FSTL5: variants seen among roughly 807,000 people sequenced by gnomAD.
The protein encoded by FSTL5 is follistatin-related protein 5.
In FSTL5, 62 loss-of-function variants were observed where a neutral mutation model predicts 89.1. The ratio of observed to expected loss-of-function variants is 0.70; its 90% CI spans 0.57 to 0.86. The LOEUF (loss-of-function observed/expected upper bound fraction) is 0.86. Among genes scored for constraint, FSTL5 ranks in the 40% least tolerant of loss-of-function variants. The pLI is 0.00. For missense variants in FSTL5, 1,057 were observed against 1,001.6 expected, an observed-to-expected ratio of 1.06 and a Z score of -0.75; for synonymous variants, 383 against 346.2, an observed-to-expected ratio of 1.11 and a Z score of -1.18.
chr4:161,851,994 T>C (rs1284017665), intron 4 of FSTL5, among the ~76,000 whole-genome samples: 2 of 151,996 alleles, frequency 1.3e-5, no homozygotes, highest in Non-Finnish European at 2.9e-5. Context: ...CATGACAGTT[T>C]GGTTGCTTTT....
chr4:161,889,904 G>A lies in FSTL5; in HGVS notation c.409+30500C>T, dbSNP rs115532320. On this transcript the variant is annotated intron_variant, in intron 4 of 15. Transcript: ENST00000306100. ...CTAAAACCGTATGGTTTATTTACAG[G>A]AATACAAAAGTTGAGTTATTTCCAT... is the stretch of plus-strand genomic sequence containing the variant. 2.2e-3 allele frequency among the ~76,000 whole-genome samples: 335 copies of A among 152,138 alleles called. 1 individual carries two copies. The highest frequency in any genetic ancestry group is 3.3e-3 in the Non-Finnish European group (221 of 67,982).
chr4:161,676,181 A>C (rs58522617), intron 6 of FSTL5, among the ~76,000 whole-genome samples: 3,010 of 152,254 alleles, frequency 0.02, 42 homozygotes, highest in South Asian at 0.045. Flanking sequence ...GAATATGATT[A>C]AACTACCAAA....
At chr4:162,163,441 T>C (rs1407803487) in intron 1 of FSTL5, among the ~76,000 whole-genome samples, 174 bp downstream of exon 1, 1 of 82,096 alleles carries the variant, frequency 1.2e-5, no homozygotes, top group African/African-American at 5.9e-5. Flanking sequence ...TGTCTTGTAA[T>C]AATAATAATA....
Position 161,705,052 on chromosome 4 carries a change from G to T in FSTL5, c.728-48558C>A, listed in dbSNP as rs1445684594. Reference sequence around the variant, plus strand: ...TATTCTTTAATAGCATCATATTTATGTCTCTATTTATAATAATTAAAATAT... The same window carrying T: ...TATTCTTTAATAGCATCATATTTATTTCTCTATTTATAATAATTAAAATAT... On this transcript the variant is annotated intron_variant, in intron 6 of 15. Coordinates refer to ENST00000306100, the MANE Select transcript of FSTL5 (RefSeq NM_020116.5). Among the ~76,000 whole-genome samples the T allele has an allele frequency of 2.6e-4, 40 of 151,754 alleles. 1 individual carries two copies. The highest frequency in any genetic ancestry group is 2.6e-3 in the Admixed American group (40 of 15,190).
chr4:161,606,992 G>C (rs754918238), intron 7 of FSTL5, among the ~76,000 whole-genome samples: 74 of 152,230 alleles, frequency 4.9e-4, no homozygotes, highest in African/African-American at 1.7e-3. Context: ...TCCTCATTAG[G>C]AGAGGCTGCA....
intron 6 of FSTL5, among the ~76,000 whole-genome samples, chr4:161,729,904 T>C (rs897448427): frequency 3.3e-5 from 5 of 152,328 alleles, no homozygotes; most frequent in Middle Eastern, 3.4e-3. Context: ...ATCAGTGTAC[T>C]ACGTGCCAGG....
chr4:161,935,780 C>T (rs766377243), intron 3 of FSTL5, among the ~76,000 whole-genome samples: 6 of 151,654 alleles, frequency 4.0e-5, no homozygotes, highest in Admixed American at 1.3e-4. Context: ...GACCTCTCTA[C>T]GTTTCCAATG....
intron 4 of FSTL5, among the ~76,000 whole-genome samples, chr4:161,889,118 A>T (rs1385346559): frequency 6.6e-6 from 1 of 152,140 alleles, no homozygotes; most frequent in Non-Finnish European, 1.5e-5. Flanking sequence ...TTTTTCTTCC[A>T]CAATTAGAAT....
intron 7 of FSTL5, among the ~76,000 whole-genome samples, chr4:161,620,674 CA>C (rs572160273): frequency 3.6e-4 from 54 of 151,780 alleles, no homozygotes; most frequent in Non-Finnish European, 5.7e-4. Flanking sequence ...AAAACAAAAA[CA>C]AAAACAAAAA....
chr4:161,644,354 C>G (rs563910559), intron 7 of FSTL5, among the ~76,000 whole-genome samples: 6 of 152,140 alleles, frequency 3.9e-5, no homozygotes, highest in African/African-American at 9.6e-5. Context: ...TGGTGAAACT[C>G]TATCTCTACT....
intron 15 of FSTL5, among the ~76,000 whole-genome samples, chr4:161,429,562 G>T (rs983260491): frequency 1.4e-4 from 21 of 152,162 alleles, no homozygotes; most frequent in African/African-American, 4.6e-4. Context: ...AAGAGTCTCT[G>T]CCCAGTAATC....
At chr4:162,066,396 C>CTT (rs538954980) in intron 2 of FSTL5, among the ~76,000 whole-genome samples, 7 of 79,916 alleles carry the variant, frequency 8.8e-5, no homozygotes, top group Non-Finnish European at 1.3e-4. Flanking sequence ...CTTCATTTTC[C>CTT]TTTTTTTTTT....
intron 4 of FSTL5, among the ~76,000 whole-genome samples, chr4:161,914,561 T>C (rs906701644): frequency 1.3e-5 from 2 of 152,100 alleles, no homozygotes; most frequent in African/African-American, 2.4e-5. Context: ...GTAAGAAAAA[T>C]GACAATGAAT....
intron 3 of FSTL5, among the ~76,000 whole-genome samples, chr4:161,984,231 AT>A (rs1349238487): frequency 1.3e-5 from 2 of 151,918 alleles, no homozygotes; most frequent in African/African-American, 4.8e-5. Flanking sequence ...ATTACTAATA[AT>A]TTTTTTCTAA....
At chr4:161,979,689 T>C (rs943913000) in intron 3 of FSTL5, among the ~76,000 whole-genome samples, 4 of 152,184 alleles carry the variant, frequency 2.6e-5, no homozygotes, top group African/African-American at 9.7e-5. Flanking sequence ...CTGGTTATTA[T>C]GTTCCCTTGG....
intron 4 of FSTL5, among the ~76,000 whole-genome samples, chr4:161,897,575 C>CAA (rs35785865): frequency 3.7e-4 from 30 of 81,420 alleles, no homozygotes; most frequent in African/African-American, 1.1e-3. Flanking sequence ...AACTCCGTCT[C>CAA]AAAAAAAAAA....
intron 4 of FSTL5, among the ~76,000 whole-genome samples, chr4:161,876,723 G>A (rs1438613763): frequency 6.6e-6 from 1 of 152,066 alleles, no homozygotes; most frequent in South Asian, 2.1e-4. Flanking sequence ...CTGGGTGACA[G>A]AGAAAGATTC....
At chr4:161,887,437 C>CATCTAT (rs1732848318) in intron 4 of FSTL5, among the ~76,000 whole-genome samples, 1 of 136,092 alleles carries the variant, frequency 7.3e-6, no homozygotes, top group African/African-American at 3.1e-5. Flanking sequence ...CATCTATCTA[C>CATCTAT]CTATCATCTA....
chr4:162,036,888 A>G (rs2111208388), intron 2 of FSTL5, among the ~76,000 whole-genome samples: 1 of 152,004 alleles, frequency 6.6e-6, no homozygotes, highest in East Asian at 1.9e-4. Context: ...TATCTAAGGA[A>G]GGAGAAGAGG....
Sources: allele counts gnomAD v4.1 joint callset (sites outside exome capture counted in the v4.1 genomes callset), GRCh38; gene constraint gnomAD v4.1.1; transcripts MANE v1.5; gene names NCBI Gene and HGNC (gene_info 2026-07-23, HGNC 2026-07-21).